PPP3R1: variants seen among roughly 807,000 people sequenced by gnomAD.
The protein encoded by PPP3R1 is protein phosphatase 3 regulatory subunit B, alpha.
In PPP3R1, 5 loss-of-function variants were observed where a neutral mutation model predicts 22.6. The observed-to-expected ratio is 0.22, with a 90% confidence interval of 0.12 to 0.46. The LOEUF is 0.46. Ranked by LOEUF, PPP3R1 falls within the 20% of genes least tolerant of loss-of-function variation. The pLI, the probability that PPP3R1 is intolerant of heterozygous loss-of-function variation, is 0.99. For missense variants in PPP3R1, 61 were observed against 203.2 expected, an observed-to-expected ratio of 0.30 and a Z score of 4.25; for synonymous variants, 56 against 65.2, an observed-to-expected ratio of 0.86 and a Z score of 0.68.
At chr2:68,182,657 TA>T (rs34758901) in intron 5 of PPP3R1, among the ~76,000 whole-genome samples, 28,109 of 123,560 alleles carry the variant, frequency 0.23, 2,927 homozygotes, top group Non-Finnish European at 0.26. Context: ...CTCTAATACT[TA>T]AAAAAAAAAA....
At chr2:68,220,863 T>G (rs1218530965) in intron 1 of PPP3R1, among the ~76,000 whole-genome samples, 2 of 152,096 alleles carry the variant, frequency 1.3e-5, no homozygotes, top group Admixed American at 6.6e-5. Context: ...AGAAACAGAA[T>G]GTAGAGACTG....
At chr2:68,245,523 G>A (rs1347271240) in intron 1 of PPP3R1, among the ~76,000 whole-genome samples, 1 of 152,058 alleles carries the variant, frequency 6.6e-6, no homozygotes, top group Non-Finnish European at 1.5e-5. Flanking sequence ...TACTTTCCTG[G>A]TTTTATTTGT....
chr2:68,221,434 G>C (rs903774393), intron 1 of PPP3R1, among the ~76,000 whole-genome samples: 1 of 151,596 alleles, frequency 6.6e-6, no homozygotes, highest in Non-Finnish European at 1.5e-5. Flanking sequence ...ATAGGTCAAG[G>C]GTGCAGTGAG....
At chr2:68,199,712 A>C (rs575342375) in intron 2 of PPP3R1, among the ~76,000 whole-genome samples, 2 of 152,304 alleles carry the variant, frequency 1.3e-5, no homozygotes, top group Non-Finnish European at 2.9e-5. Flanking sequence ...TACTGAGAAG[A>C]TGTTTTTCTC....
intron 2 of PPP3R1, among the ~76,000 whole-genome samples, chr2:68,209,527 A>C (rs1391522429): frequency 6.6e-6 from 1 of 151,978 alleles, no homozygotes; most frequent in Non-Finnish European, 1.5e-5. Context: ...GCTGAGGTGC[A>C]TGGATTGTTT....
intron 1 of PPP3R1, among the ~76,000 whole-genome samples, chr2:68,241,917 A>G (rs1410056816): frequency 6.6e-6 from 1 of 152,130 alleles, no homozygotes. Flanking sequence ...ATTGTAGACA[A>G]GCAGTATCTA....
At chr2:68,194,409 TAGAG>T (rs904941334) in intron 2 of PPP3R1, among the ~76,000 whole-genome samples, 1 of 152,138 alleles carries the variant, frequency 6.6e-6, no homozygotes, top group African/African-American at 2.4e-5. Flanking sequence ...AACTTGCTTT[TAGAG>T]AGCTCATGTT....
chr2:68,209,358 C>CAAAAAAAAA (rs777851469), intron 2 of PPP3R1, among the ~76,000 whole-genome samples: 2 of 41,694 alleles, frequency 4.8e-5, no homozygotes, highest in Admixed American at 3.9e-4. Context: ...GACTCTGTCT[C>CAAAAAAAAA]AAAAAAAAAA....
intron 2 of PPP3R1, among the ~76,000 whole-genome samples, chr2:68,209,856 G>A (rs1465056731): frequency 6.6e-6 from 1 of 152,112 alleles, no homozygotes; most frequent in African/African-American, 2.4e-5. Context: ...ATTAATACCT[G>A]AGAGTTGAAG....
chr2:68,213,785 C>G (rs1463026966), intron 2 of PPP3R1, among the ~76,000 whole-genome samples: 1 of 152,158 alleles, frequency 6.6e-6, no homozygotes, highest in African/African-American at 2.4e-5. Context: ...AATGCTATTT[C>G]TATTTAACTA....
At chr2:68,234,663 AGGAGTAAAAT>A (rs1371400564) in intron 1 of PPP3R1, among the ~76,000 whole-genome samples, 5 of 152,340 alleles carry the variant, frequency 3.3e-5, no homozygotes, top group Non-Finnish European at 4.4e-5. Context: ...AAGACAGCTG[AGGAGTAAAAT>A]GGATGAAAAA....
In PPP3R1 at chr2:68,179,424, T is replaced by C. The variant is rs934763756; in HGVS notation, c.*1539A>G. 2.4e-4 allele frequency: 36 copies of C among 152,576 alleles called. No homozygotes were observed. Among genetic ancestry groups the C allele is most frequent in the Non-Finnish European group, 2.9e-5 (2 of 68,026 alleles). The allele number at this position is 152,576 out of a possible 1,614,324, so 9.5% of individuals were successfully genotyped here. ...ATGCAAGGACACCAAGCACCGGGAT[T>C]TTTCTCTCACAGACAGAGCCCATGA... is the stretch of plus-strand genomic sequence containing the variant. On this transcript the variant is annotated 3_prime_UTR_variant, in exon 6 of 6. Coordinates refer to ENST00000234310, the MANE Select transcript of PPP3R1 (RefSeq NM_000945.4).
At chr2:68,193,693 T>TAGGAA (rs900814082) in intron 2 of PPP3R1, among the ~76,000 whole-genome samples, 2 of 152,158 alleles carry the variant, frequency 1.3e-5, no homozygotes, top group Non-Finnish European at 2.9e-5. Context: ...TGTGCTACAG[T>TAGGAA]AGGATATTAG....
intron 2 of PPP3R1, among the ~76,000 whole-genome samples, chr2:68,198,220 AT>A (rs1674846320): frequency 7.8e-6 from 1 of 128,542 alleles, no homozygotes; most frequent in Non-Finnish European, 1.7e-5. Flanking sequence ...ACATATATAC[AT>A]TTTACATATA....
At chr2:68,218,394 G>C (rs1237587014) in intron 1 of PPP3R1, among the ~76,000 whole-genome samples, 1 of 152,008 alleles carries the variant, frequency 6.6e-6, no homozygotes, top group African/African-American at 2.4e-5. Context: ...GCAAGTTATA[G>C]CAGATAATTG....
chr2:68,241,639 G>A lies in PPP3R1; in HGVS notation c.3+10486C>T, dbSNP rs149496190. Among the ~76,000 whole-genome samples the A allele has an allele frequency of 2.0e-4, 30 of 152,186 alleles. No homozygotes were observed. In the East Asian group the frequency reaches 4.6e-3, roughly 24 times the overall value. On this transcript the variant is annotated intron_variant, in intron 1 of 5. Transcript: ENST00000234310. ...CAAGGTGGGCGGATCACCAGGTCAG[G>A]AGCTGGCCAACTTGACCAACATGGT...
chr2:68,215,038 C>T (rs1669552921), intron 2 of PPP3R1, among the ~76,000 whole-genome samples: 1 of 151,982 alleles, frequency 6.6e-6, no homozygotes, highest in Admixed American at 6.6e-5. Context: ...GAACAGAAAA[C>T]CAAATACTGC....
chr2:68,233,251 T>C (rs1572974384), intron 1 of PPP3R1, among the ~76,000 whole-genome samples: 1 of 152,230 alleles, frequency 6.6e-6, no homozygotes, highest in African/African-American at 2.4e-5. Context: ...AGCAAAGCAC[T>C]TGCATGTTTT....
chr2:68,198,178 T>C (rs577966076), intron 2 of PPP3R1, among the ~76,000 whole-genome samples: 35 of 144,346 alleles, frequency 2.4e-4, no homozygotes, highest in African/African-American at 8.0e-4. Flanking sequence ...TACATACATG[T>C]ATATATAATA....
Sources: allele counts gnomAD v4.1 joint callset (sites outside exome capture counted in the v4.1 genomes callset), GRCh38; gene constraint gnomAD v4.1.1; transcripts MANE v1.5; gene names NCBI Gene and HGNC (gene_info 2026-07-23, HGNC 2026-07-21).